C12orf42: variants seen among roughly 807,000 people sequenced by gnomAD.
The protein encoded by C12orf42 is uncharacterized protein C12orf42.
A neutral mutation model predicts 21.6 loss-of-function variants in C12orf42; 25 were observed. The ratio of observed to expected loss-of-function variants is 1.16; its 90% CI spans 0.84 to 1.62. The LOEUF is 1.62. C12orf42 is among the 40% of genes most tolerant of loss of function. The pLI is 0.00. For synonymous variants in C12orf42, 174 were observed against 175.0 expected, an observed-to-expected ratio of 0.99 and a Z score of 0.05; for missense variants, 483 against 459.3, an observed-to-expected ratio of 1.05 and a Z score of -0.47.
At chr12:103,201,895 A>G in the C12orf42 span, among the ~76,000 whole-genome samples, 1 of 152,338 alleles carries the variant, frequency 6.6e-6, no homozygotes, top group Non-Finnish European at 1.5e-5. Flanking sequence ...ATAGTCTAAA[A>G]TAAATATAAA....
chr12:103,262,443 C>A (rs533907482), intron 10 of C12orf42: 1 of 152,244 alleles, frequency 6.6e-6, no homozygotes, highest in East Asian at 1.9e-4. Context: ...AAATTGAAAT[C>A]GGATGTGTGC....
chr12:103,368,296 C>T (rs2044812986), intron 4 of C12orf42, among the ~76,000 whole-genome samples: 1 of 144,046 alleles, frequency 6.9e-6, no homozygotes, highest in Non-Finnish European at 1.5e-5. Context: ...CTGCCTTTCT[C>T]TCTCTTTCTG....
the C12orf42 span, among the ~76,000 whole-genome samples, chr12:103,101,710 C>T: frequency 6.6e-6 from 1 of 152,154 alleles, no homozygotes; most frequent in Non-Finnish European, 1.5e-5. Flanking sequence ...TTTTAAACTA[C>T]CCCAAAACCT....
At chr12:103,161,768 T>A in the C12orf42 span, 1 of 152,254 alleles carries the variant, frequency 6.6e-6, no homozygotes, top group Non-Finnish European at 1.5e-5. Context: ...CCTGAATACC[T>A]GAGGTCTTGC....
At chr12:103,430,388 A>G (rs1474606860) in intron 2 of C12orf42, among the ~76,000 whole-genome samples, 1 of 152,248 alleles carries the variant, frequency 6.6e-6, no homozygotes, top group Non-Finnish European at 1.5e-5. Flanking sequence ...GTCATTAGAG[A>G]CATGCAAATC....
chr12:103,429,155 A>C (rs1244456401), intron 2 of C12orf42, among the ~76,000 whole-genome samples: 1 of 152,208 alleles, frequency 6.6e-6, no homozygotes, highest in Non-Finnish European at 1.5e-5. Context: ...AGCATATTTA[A>C]ATAGGAAGAG....
At chr12:103,142,628 A>G in the C12orf42 span, among the ~76,000 whole-genome samples, 1 of 152,214 alleles carries the variant, frequency 6.6e-6, no homozygotes, top group African/African-American at 2.4e-5. Flanking sequence ...GAACTAAACT[A>G]TAAAATGACA....
At chr12:103,390,128 C>T (rs2138420485) in intron 3 of C12orf42, among the ~76,000 whole-genome samples, 1 of 152,270 alleles carries the variant, frequency 6.6e-6, no homozygotes, top group South Asian at 2.1e-4. Flanking sequence ...TTTTATTCCT[C>T]TGTATGTGAT....
At chr12:103,515,704 G>A in the C12orf42 span, among the ~76,000 whole-genome samples, 1 of 152,184 alleles carries the variant, frequency 6.6e-6, no homozygotes, top group Admixed American at 6.5e-5. Context: ...ACTTTCAAAT[G>A]TATGCTGAGT....
chr12:103,293,726 T>C (rs2036968097), intron 4 of C12orf42, among the ~76,000 whole-genome samples: 1 of 152,176 alleles, frequency 6.6e-6, no homozygotes, highest in African/African-American at 2.4e-5. Context: ...ACACTTTCCA[T>C]GGGGGTCCAA....
chr12:103,492,709 C>A (rs1257035147), intron 1 of C12orf42, among the ~76,000 whole-genome samples: 1 of 152,116 alleles, frequency 6.6e-6, no homozygotes, highest in East Asian at 1.9e-4. Flanking sequence ...ATCATAGATC[C>A]CAAGAAGCTT....
At chr12:103,529,198 T>C in the C12orf42 span, among the ~76,000 whole-genome samples, 1 of 152,198 alleles carries the variant, frequency 6.6e-6, no homozygotes, top group Non-Finnish European at 1.5e-5. Flanking sequence ...ATCATCACAA[T>C]GAACAGTAGC....
intron 4 of C12orf42, among the ~76,000 whole-genome samples, chr12:103,334,009 G>A (rs1371614711): frequency 6.6e-6 from 1 of 152,220 alleles, no homozygotes; most frequent in Non-Finnish European, 1.5e-5. Context: ...AAGTCACTGA[G>A]TGTGAACAAT....
the C12orf42 span, among the ~76,000 whole-genome samples, chr12:103,538,820 G>A: frequency 6.6e-6 from 1 of 152,054 alleles, no homozygotes; most frequent in South Asian, 2.1e-4. Flanking sequence ...AGTGGTTTCT[G>A]TTTTCCTGGC....
chr12:103,180,988 G>T, the C12orf42 span, among the ~76,000 whole-genome samples: 1 of 152,016 alleles, frequency 6.6e-6, no homozygotes. Flanking sequence ...TCTGGGTTGG[G>T]TGCGGTGGGT....
At chr12:103,282,766 A>G (rs1305026109) in intron 4 of C12orf42, among the ~76,000 whole-genome samples, 1 of 152,206 alleles carries the variant, frequency 6.6e-6, no homozygotes, top group Non-Finnish European at 1.5e-5. Context: ...TAAGGTCAAC[A>G]CCTGCTACTG....
chr12:103,129,178 G>T, the C12orf42 span, among the ~76,000 whole-genome samples: 2 of 152,152 alleles, frequency 1.3e-5, no homozygotes, highest in East Asian at 1.9e-4. Context: ...ACTGAACTGT[G>T]GACTAGAGGG....
the C12orf42 span, among the ~76,000 whole-genome samples, chr12:103,088,491 T>C: frequency 6.6e-6 from 1 of 152,224 alleles, no homozygotes; most frequent in African/African-American, 2.4e-5. Context: ...ACTATGTTAA[T>C]TGAGTTGAAG....
Position 103,356,491 on chromosome 12 carries a change from C to G in C12orf42, c.259+12396G>C, listed in dbSNP as rs923230794. Among the ~76,000 whole-genome samples the G allele has an allele frequency of 9.2e-5, 14 of 151,992 alleles. No homozygotes were observed. The South Asian group carries it at 1.0e-3, about 11-fold the overall frequency. On this transcript the variant is annotated intron_variant, in intron 4 of 5. Coordinates refer to ENST00000548883, the MANE Select transcript of C12orf42 (RefSeq NM_198521.5). The stretch of plus-strand genomic sequence containing the variant: ...ATAGTGCCGCAATAAACATACGTGT[C>G]CATGTGTCTTTATAGCAGCATGATT...
Sources: gnomAD v4.1 joint callset for allele counts (sites outside exome capture counted in the v4.1 genomes callset) on GRCh38, gnomAD v4.1.1 for gene constraint, MANE v1.5 for transcripts, NCBI Gene and HGNC (gene_info 2026-07-23, HGNC 2026-07-21) for gene names.